DMD: variants seen among roughly 807,000 people sequenced by gnomAD.
DMD encodes the protein dystrophin, also known as mutant dystrophin.
In DMD, 63 loss-of-function variants were observed where a neutral mutation model predicts 330.1. The ratio of observed to expected loss-of-function variants is 0.19; its 90% confidence interval spans 0.16 to 0.24. The LOEUF (loss-of-function observed/expected upper bound fraction) is 0.24. Ranked by LOEUF, DMD falls within the 10% of genes least tolerant of loss-of-function variation. The pLI is 1.00. For missense variants in DMD, 3,344 were observed against 2,684.1 expected (o/e 1.25, Z -5.43); for synonymous variants, 1,223 against 959.8 (o/e 1.27, Z -5.07).
intron 2 of DMD, among the ~76,000 whole-genome samples, chrX:32,880,120 C>G (rs112877188): frequency 9.0e-6 from 1 of 111,153 alleles, no homozygotes; most frequent in Non-Finnish European, 1.9e-5. Flanking sequence ...CCACCTTTCC[C>G]GCATCCTTTT....
At chrX:32,077,293 C>A (rs2096360119) in intron 44 of DMD, among the ~76,000 whole-genome samples, 1 of 110,655 alleles carries the variant, frequency 9.0e-6, no homozygotes, top group South Asian at 3.8e-4. Context: ...TGCTTTTCTA[C>A]TGAAGTATAT....
At chrX:31,540,564 C>A (rs963129485) in intron 55 of DMD, among the ~76,000 whole-genome samples, 4 of 112,156 alleles carry the variant, frequency 3.6e-5, no homozygotes, top group Non-Finnish European at 7.5e-5. Context: ...AAAGGAGACG[C>A]TCTTGATTAG....
intron 44 of DMD, among the ~76,000 whole-genome samples, chrX:32,051,619 C>T (rs1012610472): frequency 8.3e-5 from 9 of 108,730 alleles, no homozygotes; most frequent in African/African-American, 1.3e-4. Flanking sequence ...TCCTTAAGAA[C>T]GGCTCAATGA....
intron 1 of DMD, among the ~76,000 whole-genome samples, chrX:33,291,301 A>T (rs2053507794): frequency 8.9e-6 from 1 of 111,733 alleles, no homozygotes; most frequent in Non-Finnish European, 1.9e-5. Flanking sequence ...ACAATATCAT[A>T]GTGAATGGGC....
chrX:32,468,425 A>T, intron 23 of DMD, 73 bp downstream of exon 23: 1 of 921,759 alleles, frequency 1.1e-6, no homozygotes, highest in Non-Finnish European at 1.5e-6. Context: ...ATGTACCTTT[A>T]CAGTTTACAG....
At chrX:31,218,437 G>A (rs1287154280) in intron 64 of DMD, among the ~76,000 whole-genome samples, 2 of 110,913 alleles carry the variant, frequency 1.8e-5, no homozygotes, top group Admixed American at 1.9e-4. Context: ...CCCCTGACTC[G>A]ATCCCATCCC....
intron 9 of DMD, among the ~76,000 whole-genome samples, chrX:32,663,804 T>C (rs1460282262): frequency 9.0e-6 from 1 of 111,223 alleles, no homozygotes; most frequent in African/African-American, 3.3e-5. Context: ...GAAAATATCA[T>C]TGAGAAAAAG....
At position 31,184,865 on chromosome X, in the gene DMD, CAAAA is replaced by C. The variant is rs1312584716; in HGVS notation, c.9808-1965_9808-1962del. On this transcript the variant is annotated intron_variant, in intron 67 of 78. Transcript: ENST00000357033. ...CATTCTCAGTAAACTATCGCAAGGA[CAAAA>C]AACCAAACACCGCATGTTCTCACTC... is the stretch of plus-strand genomic sequence containing the variant. Among the ~76,000 whole-genome samples, 220 of 92,741 alleles carry C rather than the reference CAAAA, an allele frequency of 2.4e-3. 3 individuals carry two copies. Among genetic ancestry groups the C allele is most frequent in the African/African-American group, 8.7e-3 (203 of 23,457 alleles). The allele number at this position is 92,741 out of a possible 115,157, so 80.5% of individuals were successfully genotyped here.
chrX:32,764,991 C>A (rs2072795386), intron 7 of DMD, among the ~76,000 whole-genome samples: 1 of 102,232 alleles, frequency 9.8e-6, no homozygotes, highest in Admixed American at 1.1e-4. Context: ...TTAAAATAAT[C>A]ATCATCCTAA....
intron 44 of DMD, among the ~76,000 whole-genome samples, chrX:31,972,806 G>C (rs1028648753): frequency 9.0e-5 from 10 of 111,603 alleles, no homozygotes; most frequent in African/African-American, 3.3e-4. Context: ...TGAAATTTGG[G>C]AGAGTTGTGA....
chrX:31,120,867 A>ATCAC lies in DMD; in HGVS notation c.*1051_*1052insGTGA, dbSNP rs59846267. The ATCAC allele has an allele frequency of 3.0e-5, 2 of 66,889 alleles. No homozygotes were observed. The highest frequency in any genetic ancestry group is 2.3e-4 in the African/African-American group (2 of 8,667). The allele number at this position is 66,889 out of a possible 1,213,427, so 5.5% of individuals were successfully genotyped here. On this transcript the variant is annotated 3_prime_UTR_variant, in exon 79 of 79. Transcript: ENST00000357033. Reference sequence around the variant, plus strand: ...TTGCTAGCAGCAGGAAGCTGAATGTATCAATCAATCAATCAATCAACCAAC... The same window carrying ATCAC: ...TTGCTAGCAGCAGGAAGCTGAATGTATCACTCAATCAATCAATCAATCAACCAAC...
At chrX:32,389,899 C>T (rs766201442) in intron 31 of DMD, among the ~76,000 whole-genome samples, 172 bp downstream of exon 31, 2 of 111,814 alleles carry the variant, frequency 1.8e-5, no homozygotes, top group Non-Finnish European at 3.8e-5. Context: ...AATTTATTAA[C>T]CTATTTTATC....
intron 44 of DMD, among the ~76,000 whole-genome samples, chrX:31,983,879 G>A (rs923585913): frequency 2.7e-5 from 3 of 111,674 alleles, no homozygotes; most frequent in Non-Finnish European, 5.7e-5. Flanking sequence ...GGAATTGGGG[G>A]TCTAAATATT....
Position 31,205,310 on chromosome X carries a change from G to A in DMD, c.9650-1192C>T, listed in dbSNP as rs766988210. Among the ~76,000 whole-genome samples the A allele has an allele frequency of 2.3e-4, 26 of 112,018 alleles. 1 individual carries two copies. In the South Asian group the frequency reaches 6.0e-3, roughly 26 times the overall value. On this transcript the variant is annotated intron_variant, in intron 66 of 78. Transcript: ENST00000357033. ...TAAGATGGCACTAAAAATTGAGATT[G>A]TACGCACAGCTTTTTATCTGCTCTC... is the stretch of plus-strand genomic sequence containing the variant.
chrX:31,853,573 C>T (rs3859979), intron 48 of DMD, among the ~76,000 whole-genome samples: 15,406 of 111,094 alleles, frequency 0.14, 1,154 homozygotes, highest in African/African-American at 0.28. Flanking sequence ...ACAGATATTA[C>T]TGTGAGTAAA....
At chrX:31,764,084 T>C (rs1055834428) in intron 51 of DMD, among the ~76,000 whole-genome samples, 8 of 111,242 alleles carry the variant, frequency 7.2e-5, no homozygotes, top group African/African-American at 2.6e-4. Flanking sequence ...TCTCACTCTG[T>C]TGCCCAGGTT....
At chrX:32,310,774 T>C (rs935500696) in intron 41 of DMD, among the ~76,000 whole-genome samples, 12 of 110,910 alleles carry the variant, frequency 1.1e-4, no homozygotes, top group African/African-American at 3.6e-4. Context: ...GGCTGGTATG[T>C]AACTTTGTAT....
chrX:32,167,581 T>C (rs2096872736), intron 44 of DMD, among the ~76,000 whole-genome samples: 1 of 112,258 alleles, frequency 8.9e-6, no homozygotes. Context: ...TTAGTCTGAG[T>C]TACAAATGAT....
At chrX:31,537,152 T>C (rs1337057626) in intron 55 of DMD, among the ~76,000 whole-genome samples, 1 of 112,183 alleles carries the variant, frequency 8.9e-6, no homozygotes, top group African/African-American at 3.2e-5. Context: ...TCCTTGTTGC[T>C]AAATTAATAG....
Sources: gnomAD v4.1 joint callset for allele counts (sites outside exome capture counted in the v4.1 genomes callset) on GRCh38, gnomAD v4.1.1 for gene constraint, MANE v1.5 for transcripts, NCBI Gene and HGNC (gene_info 2026-07-23, HGNC 2026-07-21) for gene names.